GLCCI1: variants seen among roughly 807,000 people sequenced by gnomAD.
GLCCI1 encodes the protein glucocorticoid-induced transcript 1 protein.
GLCCI1 carries 24 observed loss-of-function variants against 52.2 expected under a neutral mutation model. That is an observed-to-expected ratio of 0.46 (90% confidence interval 0.33 to 0.65). The LOEUF (loss-of-function observed/expected upper bound fraction) is 0.65. GLCCI1 is among the 30% of genes least tolerant of loss of function. The probability of loss-of-function intolerance (pLI) is 0.02; values close to 1 mark genes in which losing one functional copy is unlikely to be tolerated. For missense variants in GLCCI1, 704 were observed against 701.5 expected (o/e 1.00, Z -0.04); for synonymous variants, 310 against 276.5 (o/e 1.12, Z -1.20).
At chr7:8,060,897 T>C (rs1384357827) in intron 5 of GLCCI1, among the ~76,000 whole-genome samples, 2 of 152,176 alleles carry the variant, frequency 1.3e-5, no homozygotes, top group African/African-American at 4.8e-5. Context: ...ACTGCCAGAC[T>C]CTTTTCCAAA....
chr7:7,997,536 G>A (rs1780958271), intron 1 of GLCCI1, among the ~76,000 whole-genome samples: 1 of 152,016 alleles, frequency 6.6e-6, no homozygotes, highest in Admixed American at 6.6e-5. Context: ...TGATGAATTT[G>A]GTATTTTGAT....
intron 1 of GLCCI1, among the ~76,000 whole-genome samples, chr7:7,997,633 A>G (rs980964658): frequency 1.9e-4 from 29 of 152,142 alleles, no homozygotes; most frequent in African/African-American, 7.0e-4. Context: ...AGGTTTTATA[A>G]AGTAGCTATA....
chr7:8,064,541 C>G (rs894226306), intron 5 of GLCCI1, among the ~76,000 whole-genome samples: 1 of 152,114 alleles, frequency 6.6e-6, no homozygotes, highest in Non-Finnish European at 1.5e-5. Context: ...TGTGATGCCT[C>G]TAGCTGTGTT....
intron 3 of GLCCI1, among the ~76,000 whole-genome samples, chr7:8,054,257 A>G (rs960115090): frequency 2.0e-5 from 3 of 152,104 alleles, no homozygotes; most frequent in African/African-American, 7.2e-5. Flanking sequence ...ATTTTCTTGT[A>G]AAAATTAATG....
intron 6 of GLCCI1, among the ~76,000 whole-genome samples, chr7:8,074,375 G>A (rs1432351684): frequency 6.6e-6 from 1 of 152,046 alleles, no homozygotes; most frequent in African/African-American, 2.4e-5. Context: ...TCTTCTTTAT[G>A]TAAGGCCCAA....
intron 3 of GLCCI1, among the ~76,000 whole-genome samples, chr7:8,053,844 C>T (rs1354582514): frequency 6.6e-6 from 1 of 152,036 alleles, no homozygotes; most frequent in African/African-American, 2.4e-5. Context: ...CTTTGGAATT[C>T]ACAGTACATG....
intron 3 of GLCCI1, among the ~76,000 whole-genome samples, chr7:8,040,201 A>G (rs1055653551): frequency 1.3e-4 from 20 of 152,126 alleles, no homozygotes; most frequent in African/African-American, 3.4e-4. Flanking sequence ...TAAAACCACA[A>G]TGAGGGAGGT....
At chr7:8,055,158 C>G (rs1782356344) in intron 3 of GLCCI1, among the ~76,000 whole-genome samples, 1 of 152,050 alleles carries the variant, frequency 6.6e-6, no homozygotes, top group Admixed American at 6.6e-5. Context: ...TCTGGTGTTA[C>G]AAAGGTAAAA....
chr7:8,059,814 G>A (rs764037731), intron 4 of GLCCI1, among the ~76,000 whole-genome samples: 11 of 152,154 alleles, frequency 7.2e-5, no homozygotes, highest in Non-Finnish European at 1.6e-4. Context: ...TGTAAATAAT[G>A]CAGAAGATTC....
chr7:8,052,938 T>C (rs1782291172), intron 3 of GLCCI1, among the ~76,000 whole-genome samples: 1 of 152,206 alleles, frequency 6.6e-6, no homozygotes, highest in Non-Finnish European at 1.5e-5. Context: ...GAAAGATTTC[T>C]GTCTTCTTCA....
chr7:8,020,714 T>C (rs928002870), intron 2 of GLCCI1, among the ~76,000 whole-genome samples: 12 of 152,332 alleles, frequency 7.9e-5, no homozygotes, highest in African/African-American at 2.9e-4. Flanking sequence ...TCTGTGAATA[T>C]ACTTTGAGTT....
chr7:8,049,444 T>G (rs1782208512), intron 3 of GLCCI1, among the ~76,000 whole-genome samples: 2 of 152,178 alleles, frequency 1.3e-5, no homozygotes, highest in African/African-American at 2.4e-5. Context: ...ATAAACCTTT[T>G]AAAAATACAT....
intron 3 of GLCCI1, among the ~76,000 whole-genome samples, chr7:8,052,714 G>A (rs1182776531): frequency 6.6e-6 from 1 of 152,188 alleles, no homozygotes; most frequent in Non-Finnish European, 1.5e-5. Flanking sequence ...GTATCGCGGT[G>A]CAGTGGTACC....
rs779924645 is a variant in GLCCI1 at position 8,055,445 on chromosome 7, C to G, written c.709C>G (p.Leu237Val). Reference sequence around the variant, plus strand: ...CCTGTCCCCAAAGCAGATCGCCAAACTGAGGCAGCAACTACAACGCAGTAA... The same window carrying G: ...CCTGTCCCCAAAGCAGATCGCCAAAGTGAGGCAGCAACTACAACGCAGTAA... The part of the protein sequence containing the change: ...ADQLKEQIAK[L>V]RQQLQRSKQS... The change falls in exon 4 of 8, where the codon CTG becomes GTG. Residue 237 changes from leucine to valine, a missense_variant. Transcript: ENST00000223145. The G allele has an allele frequency of 6.2e-7, 1 of 1,612,834 alleles. No individual in the cohort carries two copies.
chr7:8,053,574 C>G (rs1425142985), intron 3 of GLCCI1, among the ~76,000 whole-genome samples: 1 of 151,468 alleles, frequency 6.6e-6, no homozygotes, highest in East Asian at 1.9e-4. Flanking sequence ...ATCCACCTGC[C>G]TCAGCCTCCC....
Position 8,012,432 on chromosome 7 carries a change from C to CTTTTTTTTTTT in GLCCI1, c.609+8393_609+8403dup, listed in dbSNP as rs71014746. Among the ~76,000 whole-genome samples, 134 of 70,388 alleles carry CTTTTTTTTTTT rather than the reference C, an allele frequency of 1.9e-3. 18 individuals are homozygous for CTTTTTTTTTTT. The highest frequency in any genetic ancestry group is 2.6e-3 in the Non-Finnish European group (103 of 39,560). 46.2% of individuals were successfully genotyped at this position (70,388 alleles called of 152,430 possible). A position where few individuals can be genotyped will look rare whatever the true frequency, so the allele number is the denominator to read the frequency against. ...CCATTCTGTGGGTTGCCTTTTTATT[C>CTTTTTTTTTTT]TTTTTTTTTTTTTTTTTTTTTTTTT... On this transcript the variant is annotated intron_variant, in intron 2 of 7. Transcript: ENST00000223145.
rs1387786570 is a variant in GLCCI1 at position 8,088,726 on chromosome 7, A to G, written c.*2188A>G. 6.6e-6 allele frequency: 1 copy of G among 152,646 alleles called. No individual in the cohort carries two copies. The highest frequency in any genetic ancestry group is 2.4e-5 in the African/African-American group (1 of 41,458). 9.5% of individuals were successfully genotyped at this position (152,646 alleles called of 1,614,324 possible). A position where few individuals can be genotyped will look rare whatever the true frequency, so the allele number is the denominator to read the frequency against. ...TGATGAAATCTCATGTACGATATTT[A>G]TAGTGATGTGCTTTTATTTTCTCAT... On this transcript the variant is annotated 3_prime_UTR_variant, in exon 8 of 8. Transcript: ENST00000223145.
intron 5 of GLCCI1, among the ~76,000 whole-genome samples, chr7:8,061,999 G>A (rs1782528823): frequency 1.3e-5 from 2 of 151,988 alleles, no homozygotes; most frequent in Admixed American, 1.3e-4. Flanking sequence ...ATTAAGTGAA[G>A]TTTAAGAACA....
intron 3 of GLCCI1, among the ~76,000 whole-genome samples, chr7:8,036,867 A>C (rs926852300): frequency 1.3e-5 from 2 of 152,180 alleles, no homozygotes; most frequent in African/African-American, 4.8e-5. Flanking sequence ...CAGAATTTTG[A>C]AAAATAAAGC....
Sources: allele counts gnomAD v4.1 joint callset (sites outside exome capture counted in the v4.1 genomes callset), GRCh38; gene constraint gnomAD v4.1.1; transcripts MANE v1.5; gene names NCBI Gene and HGNC (gene_info 2026-07-23, HGNC 2026-07-21).